Variants in SLC24A2 observed in about 807,000 individuals in gnomAD.
SLC24A2 encodes the protein sodium/potassium/calcium exchanger 2.
Under a neutral mutation model 62.0 loss-of-function variants are expected in SLC24A2, and 36 were observed. That is an observed-to-expected ratio of 0.58 (90% CI 0.44 to 0.77). SLC24A2 has a LOEUF of 0.77. Ranked by LOEUF, SLC24A2 falls within the 30% of genes least tolerant of loss-of-function variation. SLC24A2 has a pLI of 0.00. For missense variants in SLC24A2, 846 were observed against 817.9 expected, an observed-to-expected ratio of 1.03 and a Z score of -0.42; for synonymous variants, 358 against 294.0, an observed-to-expected ratio of 1.22 and a Z score of -2.23.
chr9:19,583,019 C>A (rs1836254345), intron 5 of SLC24A2, among the ~76,000 whole-genome samples: 2 of 152,126 alleles, frequency 1.3e-5, no homozygotes, highest in Admixed American at 1.3e-4. Context: ...CTCATCCCAG[C>A]ATCTTTAGTG....
chr9:20,006,753 G>C, the SLC24A2 span, among the ~76,000 whole-genome samples: 1 of 152,044 alleles, frequency 6.6e-6, no homozygotes. Flanking sequence ...AAATTTTAGG[G>C]GCAGTCTATA....
At chr9:20,284,463 C>A in the SLC24A2 span, among the ~76,000 whole-genome samples, 6 of 151,980 alleles carry the variant, frequency 3.9e-5, no homozygotes, top group African/African-American at 1.4e-4. Context: ...ATCTTAATAA[C>A]TGCAGAGAAA....
At chr9:20,287,245 G>T in the SLC24A2 span, among the ~76,000 whole-genome samples, 642 of 152,288 alleles carry the variant, frequency 4.2e-3, 6 homozygotes, top group African/African-American at 0.015. Flanking sequence ...ATTTCTTGCA[G>T]GACCTGGTCC....
chr9:20,028,335 G>A, the SLC24A2 span, among the ~76,000 whole-genome samples: 1 of 152,140 alleles, frequency 6.6e-6, no homozygotes, highest in South Asian at 2.1e-4. Flanking sequence ...AGCACTGATG[G>A]TTCAGCCAGC....
At chr9:19,702,487 A>G (rs548769715) in intron 2 of SLC24A2, among the ~76,000 whole-genome samples, 6 of 152,318 alleles carry the variant, frequency 3.9e-5, no homozygotes, top group South Asian at 2.1e-4. Context: ...GTCGCATAAC[A>G]GAAAACTTGA....
the SLC24A2 span, among the ~76,000 whole-genome samples, chr9:20,147,393 A>G: frequency 1.3e-5 from 2 of 152,178 alleles, no homozygotes; most frequent in African/African-American, 4.8e-5. Context: ...GTATAATACC[A>G]TTTTGAGACA....
At chr9:19,575,034 G>C (rs1835965599) in intron 6 of SLC24A2, among the ~76,000 whole-genome samples, 1 of 151,990 alleles carries the variant, frequency 6.6e-6, no homozygotes, top group Non-Finnish European at 1.5e-5. Flanking sequence ...TAATTTGAGA[G>C]TTACATAAAA....
At chr9:20,079,411 G>T in the SLC24A2 span, among the ~76,000 whole-genome samples, 1 of 151,900 alleles carries the variant, frequency 6.6e-6, no homozygotes, top group East Asian at 1.9e-4. Flanking sequence ...GCAATTTTCT[G>T]TGCAAATATA....
chr9:19,736,376 G>C (rs991601983), intron 2 of SLC24A2, among the ~76,000 whole-genome samples: 50 of 152,208 alleles, frequency 3.3e-4, no homozygotes, highest in Admixed American at 3.0e-3. Context: ...AAACAAAACA[G>C]TGCAATCAGT....
the SLC24A2 span, among the ~76,000 whole-genome samples, chr9:20,221,668 A>G: frequency 6.6e-6 from 1 of 152,020 alleles, no homozygotes; most frequent in African/African-American, 2.4e-5. Flanking sequence ...AACTAGATAC[A>G]CTGTAACAAA....
intron 2 of SLC24A2, among the ~76,000 whole-genome samples, chr9:19,650,631 C>A (rs906973763): frequency 1.3e-5 from 2 of 152,144 alleles, no homozygotes; most frequent in South Asian, 2.1e-4. Context: ...GAAGCTGTGA[C>A]CTTGGCCTCA....
At chr9:19,555,171 A>ATGGCTTG (rs1345260858) in intron 7 of SLC24A2, among the ~76,000 whole-genome samples, 62 of 152,166 alleles carry the variant, frequency 4.1e-4, no homozygotes, top group South Asian at 8.3e-4. Flanking sequence ...CACTCTTAAA[A>ATGGCTTG]AAAAAATTAT....
the SLC24A2 span, among the ~76,000 whole-genome samples, chr9:20,280,368 T>A: frequency 2.2e-4 from 34 of 152,130 alleles, no homozygotes; most frequent in African/African-American, 6.5e-4. Context: ...ACCTCTAGAT[T>A]GAAGCAGCTT....
At chr9:19,688,589 G>C (rs1484722145) in intron 2 of SLC24A2, among the ~76,000 whole-genome samples, 1 of 152,072 alleles carries the variant, frequency 6.6e-6, no homozygotes, top group Non-Finnish European at 1.5e-5. Flanking sequence ...CAGTTAAGTT[G>C]ATTAGAAAGA....
the SLC24A2 span, among the ~76,000 whole-genome samples, chr9:19,875,843 A>T: frequency 6.6e-6 from 1 of 152,162 alleles, no homozygotes; most frequent in East Asian, 1.9e-4. Context: ...ACTGCTTCAG[A>T]TTCCTTTCTC....
the SLC24A2 span, among the ~76,000 whole-genome samples, chr9:20,223,535 C>A: frequency 4.1e-4 from 62 of 152,042 alleles, no homozygotes; most frequent in African/African-American, 1.5e-3. Flanking sequence ...AGAAGAAGAT[C>A]TTGAAGAACA....
intron 10 of SLC24A2, among the ~76,000 whole-genome samples, chr9:19,518,003 C>T (rs899516744): frequency 6.6e-6 from 1 of 151,148 alleles, no homozygotes; most frequent in Non-Finnish European, 1.5e-5. Flanking sequence ...CTATAAATGG[C>T]TTGCAAAAAC....
At chr9:19,758,547 C>A (rs960782945) in intron 2 of SLC24A2, among the ~76,000 whole-genome samples, 3 of 151,934 alleles carry the variant, frequency 2.0e-5, no homozygotes, top group Non-Finnish European at 4.4e-5. Context: ...CAAAAAAAAC[C>A]CCCTAAGAAT....
At chr9:20,048,849 AC>A in the SLC24A2 span, among the ~76,000 whole-genome samples, 7 of 149,514 alleles carry the variant, frequency 4.7e-5, no homozygotes, top group Middle Eastern at 3.2e-3. Flanking sequence ...GCCTTTCCCC[AC>A]CCCCATCCTA....
Sources: allele counts gnomAD v4.1 joint callset (sites outside exome capture counted in the v4.1 genomes callset), GRCh38; gene constraint gnomAD v4.1.1; transcripts MANE v1.5; gene names NCBI Gene and HGNC (gene_info 2026-07-23, HGNC 2026-07-21).